Variants in CRYBG3 observed in about 807,000 individuals in gnomAD.
The protein encoded by CRYBG3 is crystallin beta-gamma domain containing 3, also known as very large A-kinase anchor protein.
CRYBG3 carries 127 observed loss-of-function variants against 244.2 expected under a neutral mutation model. That is an observed-to-expected ratio of 0.52 (90% CI 0.45 to 0.60). CRYBG3 has a LOEUF of 0.60. CRYBG3 is among the 20% of genes least tolerant of loss of function. The pLI is 0.00. For missense variants in CRYBG3, 3,325 were observed against 3,442.5 expected (o/e 0.97, Z 0.85); for synonymous variants, 1,132 against 1,195.8 (o/e 0.95, Z 1.10).
intron 10 of CRYBG3, among the ~76,000 whole-genome samples, chr3:97,891,855 G>A (rs964147806): frequency 6.6e-6 from 1 of 152,112 alleles, no homozygotes; most frequent in Non-Finnish European, 1.5e-5. Context: ...TTCCCTGGGT[G>A]TTTTTCTGCT....
At chr3:97,836,143 T>G (rs929612567) in intron 1 of CRYBG3, among the ~76,000 whole-genome samples, 1 of 152,064 alleles carries the variant, frequency 6.6e-6, no homozygotes, top group African/African-American at 2.4e-5. Flanking sequence ...AGGAGAGGAC[T>G]GACCTTATAG....
At chr3:97,879,266 A>G (rs1166969990) in intron 4 of CRYBG3, among the ~76,000 whole-genome samples, 2 of 152,070 alleles carry the variant, frequency 1.3e-5, no homozygotes, top group Admixed American at 6.6e-5. Context: ...GAATTTCTTT[A>G]TTCACTATCC....
rs2039350610 is a variant in CRYBG3, at chr3:97,874,775, G to A, written c.3581G>A (p.Ser1194Asn). The A allele has an allele frequency of 6.5e-7, 1 of 1,536,016 alleles. No homozygotes were observed. The highest frequency in any genetic ancestry group is 1.4e-5 in the African/African-American group (1 of 73,162). ...CATGACCAACTTTTGGACCTCAAAA[G>A]TAGTTTACTCAAAAAGGCCGATACA... Reference protein sequence around the residue: ...RAHDQLLDLKSSLLKKADTLI... With the variant: ...RAHDQLLDLKNSLLKKADTLI... The change falls in exon 4 of 22, where the codon AGT becomes AAT. Residue 1194 changes from serine (S) to asparagine (N), a missense_variant. Physicochemically the swap from Ser to Asn is conservative, Grantham distance 46. Coordinates refer to ENST00000389622, the MANE Select transcript of CRYBG3 (RefSeq NM_153605.4).
chr3:97,834,851 A>G (rs2038709013), intron 1 of CRYBG3, among the ~76,000 whole-genome samples: 1 of 152,136 alleles, frequency 6.6e-6, no homozygotes, highest in Non-Finnish European at 1.5e-5. Context: ...TTCATCAACT[A>G]TGCTACTTTG....
chr3:97,839,415 A>G (rs1323329699), intron 1 of CRYBG3, among the ~76,000 whole-genome samples: 2 of 152,044 alleles, frequency 1.3e-5, no homozygotes, highest in Non-Finnish European at 2.9e-5. Context: ...TTTTATTTTT[A>G]AATCAACTGA....
chr3:97,827,178 C>CT (rs1185098074), intron 1 of CRYBG3, among the ~76,000 whole-genome samples: 3 of 151,366 alleles, frequency 2.0e-5, no homozygotes, highest in Admixed American at 6.6e-5. Context: ...AGTGGCAGTG[C>CT]TTTTTTTTTG....
chr3:97,935,101 G>A (rs2040147162), intron 18 of CRYBG3, among the ~76,000 whole-genome samples: 1 of 152,018 alleles, frequency 6.6e-6, no homozygotes, highest in Non-Finnish European at 1.5e-5. Context: ...ACTACTTAAT[G>A]TACAGCCAGC....
intron 15 of CRYBG3, among the ~76,000 whole-genome samples, chr3:97,901,150 G>C (rs529496327): frequency 6.6e-6 from 1 of 152,236 alleles, no homozygotes; most frequent in African/African-American, 2.4e-5. Context: ...GACATTTCTA[G>C]TATGGACCGC....
At chr3:97,838,851 A>G (rs978450450) in intron 1 of CRYBG3, among the ~76,000 whole-genome samples, 21 of 151,848 alleles carry the variant, frequency 1.4e-4, no homozygotes, top group African/African-American at 4.4e-4. Flanking sequence ...TTTTTTTTCC[A>G]TTGCTTATGA....
intron 2 of CRYBG3, among the ~76,000 whole-genome samples, chr3:97,855,085 T>A (rs1047627515): frequency 3.3e-5 from 5 of 152,172 alleles, no homozygotes; most frequent in Non-Finnish European, 5.9e-5. Flanking sequence ...ATTAAACGTT[T>A]TTCTGTTTCA....
intron 18 of CRYBG3, among the ~76,000 whole-genome samples, chr3:97,935,178 T>C (rs1251937817): frequency 6.6e-6 from 1 of 152,108 alleles, no homozygotes; most frequent in East Asian, 1.9e-4. Context: ...TCTGTGATGA[T>C]GACAGCCATG....
At chr3:97,892,754 A>G (rs1351495023) in intron 10 of CRYBG3, 106 bp from the exon 11 acceptor site, 3 of 574,238 alleles carry the variant, frequency 5.2e-6, no homozygotes, top group East Asian at 6.9e-5. Context: ...CCTCATATTA[A>G]TTAAAAAAAA....
intron 7 of CRYBG3, 38 bp from the exon 8 acceptor site, chr3:97,886,593 C>T: frequency 6.4e-7 from 1 of 1,566,312 alleles, no homozygotes; most frequent in Non-Finnish European, 8.6e-7. Flanking sequence ...CTGTGTGACT[C>T]TAGTTGATTT....
chr3:97,860,065 A>G (rs1478235378), intron 2 of CRYBG3, among the ~76,000 whole-genome samples: 1 of 152,142 alleles, frequency 6.6e-6, no homozygotes, highest in Non-Finnish European at 1.5e-5. Context: ...AAAATCTCTG[A>G]AAAGGTTTCC....
chr3:97,884,829 C>A (rs1278131411), intron 7 of CRYBG3, among the ~76,000 whole-genome samples: 1 of 152,048 alleles, frequency 6.6e-6, no homozygotes, highest in Non-Finnish European at 1.5e-5. Flanking sequence ...TGTTTATTTT[C>A]ATTTTTTAGT....
chr3:97,909,639 A>G (rs1399676540), intron 15 of CRYBG3, among the ~76,000 whole-genome samples: 1 of 151,344 alleles, frequency 6.6e-6, no homozygotes, highest in Admixed American at 6.6e-5. Flanking sequence ...TATTCTAGTT[A>G]TACATTCTTC....
At chr3:97,915,051 C>T (rs1239659321) in intron 16 of CRYBG3, among the ~76,000 whole-genome samples, 1 of 152,096 alleles carries the variant, frequency 6.6e-6, no homozygotes, top group East Asian at 1.9e-4. Context: ...TTCTAGGTGA[C>T]AGGTTTTATA....
chr3:97,881,146 G>A lies in CRYBG3; in HGVS notation c.7079G>A (p.Arg2360His), dbSNP rs373418086. 19 of 1,612,274 alleles carry A rather than the reference G, an allele frequency of 1.2e-5. No homozygotes were observed. Among genetic ancestry groups the A allele is most frequent in the East Asian group, 4.5e-5 (2 of 44,758 alleles). Reference protein sequence around the residue: ...VLEEGEKVLNRDWILQNRRHP... With the variant: ...VLEEGEKVLNHDWILQNRRHP... The stretch of plus-strand genomic sequence containing the variant: ...GAAGAAGGGGAAAAGGTGTTAAATC[G>A]TGACTGGATTCTTCAGAACAGAAGG... Residue 2360 changes from arginine to histidine, a missense_variant, in exon 7 of 22, where the codon CGT (arginine) becomes CAT (histidine). This residue lies in a region of CRYBG3 where 714 missense variants were observed against 803.6 expected (regional missense o/e 0.89). Transcript: ENST00000389622.
At chr3:97,937,321 AGTC>A (rs139598579) in intron 19 of CRYBG3, among the ~76,000 whole-genome samples, 1 of 152,172 alleles carries the variant, frequency 6.6e-6, no homozygotes, top group East Asian at 1.9e-4. Context: ...ACTGCTTGTC[AGTC>A]TTCTGTTCAA....
Sources: allele counts gnomAD v4.1 joint callset (sites outside exome capture counted in the v4.1 genomes callset), GRCh38; gene constraint gnomAD v4.1.1; regional missense constraint gnomAD v4.1.1; transcripts MANE v1.5; gene names NCBI Gene and HGNC (gene_info 2026-07-23, HGNC 2026-07-21).